HAPLN1: variants seen among roughly 807,000 people sequenced by gnomAD.
HAPLN1 encodes the protein Cartilage link protein.
In HAPLN1, 13 loss-of-function variants were observed where a neutral mutation model predicts 36.5. The observed-to-expected ratio is 0.36, with a 90% CI of 0.23 to 0.57. The LOEUF (loss-of-function observed/expected upper bound fraction) is 0.57, where lower values mean the gene tolerates loss of function less well. HAPLN1 is among the 20% of genes least tolerant of loss of function. HAPLN1 has a pLI of 0.83. For missense variants in HAPLN1, 407 were observed against 439.7 expected (o/e 0.93, Z 0.66); for synonymous variants, 202 against 169.8 (o/e 1.19, Z -1.48).
In HAPLN1 at chr5:83,648,415, AT is replaced by A. The variant is rs1749943627; in HGVS notation, c.473-3751del. 2.2e-5 allele frequency among the ~76,000 whole-genome samples: 3 copies of A among 134,110 alleles called. No individual in the cohort carries two copies. In the Admixed American group the frequency reaches 2.2e-4, roughly 10 times the overall value. The allele number at this position is 134,110 out of a possible 152,430, so 88.0% of individuals were successfully genotyped here. ...TTTGACTATATATATATATATATAT[AT>A]ATATATATATATATATATATATGGT... On this transcript the variant is annotated intron_variant, in intron 3 of 4. Transcript: ENST00000274341.
intron 1 of HAPLN1, among the ~76,000 whole-genome samples, chr5:83,680,757 A>G (rs755520616): frequency 7.2e-5 from 11 of 152,198 alleles, no homozygotes; most frequent in Non-Finnish European, 1.5e-4. Context: ...CAATATGAAT[A>G]TTATGTTGTG....
chr5:83,698,529 T>A (rs1243419484), intron 1 of HAPLN1, among the ~76,000 whole-genome samples: 1 of 152,182 alleles, frequency 6.6e-6, no homozygotes, highest in African/African-American at 2.4e-5. Context: ...TATCAGTGTT[T>A]TCTTTAATGA....
At chr5:83,695,989 A>G (rs1442660206) in intron 1 of HAPLN1, among the ~76,000 whole-genome samples, 2 of 152,082 alleles carry the variant, frequency 1.3e-5, no homozygotes, top group Non-Finnish European at 1.5e-5. Flanking sequence ...AAAACTTTTT[A>G]TTTACAGATA....
In HAPLN1 at chr5:83,690,742, G is replaced by T. The variant is rs1751249649; in HGVS notation, c.-26-17193C>A. Reference sequence around the variant, plus strand: ...AAATATCTGACATAATTTCAATATTGTTAAAGACATTGAAAACTATTTATA... The same window carrying T: ...AAATATCTGACATAATTTCAATATTTTTAAAGACATTGAAAACTATTTATA... On this transcript the variant is annotated intron_variant, in intron 1 of 4. Coordinates refer to ENST00000274341, the MANE Select transcript of HAPLN1 (RefSeq NM_001884.4). Among the ~76,000 whole-genome samples, 5 of 151,814 alleles carry T rather than the reference G, an allele frequency of 3.3e-5. No individual in the cohort carries two copies. In the South Asian group the frequency reaches 1.0e-3, roughly 32 times the overall value.
intron 1 of HAPLN1, among the ~76,000 whole-genome samples, chr5:83,712,233 G>A (rs2112639499): frequency 6.6e-6 from 1 of 152,186 alleles, no homozygotes; most frequent in Admixed American, 6.5e-5. Context: ...CAAGGGTCAA[G>A]ATCCTTTCAG....
chr5:83,644,584 T>A lies in HAPLN1; in HGVS notation c.554A>T (p.Asp185Val), dbSNP rs1749799634. The change falls in exon 4 of 5, where the codon GAT (aspartate) becomes GTT (valine). Residue 185 changes from aspartate to valine, a missense_variant. Asp to Val is a radical substitution (Grantham distance 152, BLOSUM62 -3). Coordinates refer to ENST00000274341, the MANE Select transcript of HAPLN1 (RefSeq NM_001884.4). ...HEAQQACLDQ[D>V]AVIASFDQLY... ...CTGGTCGAAGGAGGCGATCACAGCATCCTGGTCCAGACACGCCTGCTGCGC... is the reference window on the plus strand; with the variant it reads ...CTGGTCGAAGGAGGCGATCACAGCAACCTGGTCCAGACACGCCTGCTGCGC... 1 of 1,585,048 alleles carries A rather than the reference T, an allele frequency of 6.3e-7. No homozygotes were observed. The highest frequency in any genetic ancestry group is 8.6e-7 in the Non-Finnish European group (1 of 1,165,978).
At chr5:83,715,372 G>A (rs1315576498) in intron 1 of HAPLN1, among the ~76,000 whole-genome samples, 1 of 152,146 alleles carries the variant, frequency 6.6e-6, no homozygotes, top group East Asian at 1.9e-4. Context: ...AGGAGTCTCG[G>A]TTTATGAGAT....
chr5:83,668,761 G>A (rs1158658932), intron 2 of HAPLN1, among the ~76,000 whole-genome samples: 2 of 152,172 alleles, frequency 1.3e-5, no homozygotes, highest in East Asian at 3.9e-4. Context: ...TATAGTTGGA[G>A]TTAGTTACAA....
chr5:83,691,670 T>G (rs973624388), intron 1 of HAPLN1, among the ~76,000 whole-genome samples: 11 of 151,902 alleles, frequency 7.2e-5, no homozygotes, highest in African/African-American at 2.7e-4. Context: ...CCAGCCTTAA[T>G]TAAACAAGGT....
rs68174896 is a variant in HAPLN1 at position 83,678,220 on chromosome 5, G to T, written c.-26-4671C>A. ...CATTTTCCTTTTTATCTATAGTTTG[G>T]GTGTGTGTGTGTGTGTGTGTGTGTG... is the stretch of plus-strand genomic sequence containing the variant. On this transcript the variant is annotated intron_variant, in intron 1 of 4. Coordinates refer to ENST00000274341, the MANE Select transcript of HAPLN1 (RefSeq NM_001884.4). Among the ~76,000 whole-genome samples, 1,248 of 142,602 alleles carry T rather than the reference G, an allele frequency of 8.8e-3. 9 individuals carry two copies. The highest frequency in any genetic ancestry group is 0.018 in the Middle Eastern group (5 of 278). The allele number at this position is 142,602 out of a possible 152,430, so 93.6% of individuals were successfully genotyped here.
At chr5:83,664,803 T>C (rs1750510284) in intron 2 of HAPLN1, among the ~76,000 whole-genome samples, 1 of 152,234 alleles carries the variant, frequency 6.6e-6, no homozygotes, top group African/African-American at 2.4e-5. Flanking sequence ...AGCTTTATTT[T>C]AGAACACACT....
At chr5:83,682,656 A>G (rs1040458642) in intron 1 of HAPLN1, 2 of 152,170 alleles carry the variant, frequency 1.3e-5, no homozygotes, top group African/African-American at 4.8e-5. Context: ...GTTCATTGGT[A>G]TATAAGTAAC....
rs1363494569 is a variant in HAPLN1, at chr5:83,641,731, T to A, written c.830A>T (p.Gln277Leu). Residue 277 changes from glutamine (Q) to leucine (L), a missense_variant, in exon 5 of 5, where the codon CAA becomes CTA. By Grantham distance (113) the Gln-to-Leu change is moderately radical. Transcript: ENST00000274341. ...CTGAGCACCATCATTGAGACAAGCT[T>A]GCACCGCTTCATCATAGGTCAGTTT... ...PTKLTYDEAV[Q>L]ACLNDGAQIA... 1.9e-6 allele frequency: 3 copies of A among 1,614,028 alleles called. No homozygotes were observed. In the African/African-American group the frequency reaches 4.0e-5, roughly 22 times the overall value.
chr5:83,659,771 A>T (rs1442311925), intron 2 of HAPLN1, among the ~76,000 whole-genome samples: 1 of 152,134 alleles, frequency 6.6e-6, no homozygotes, highest in African/African-American at 2.4e-5. Flanking sequence ...ACATGTATTT[A>T]AAACACGAAA....
chr5:83,681,136 A>G lies in HAPLN1; in HGVS notation c.-26-7587T>C, dbSNP rs1750989151. ...TTAAATAATATAAAATTAGACCTTT[A>G]AAATATTTTCTTAATGTATAAAATC... On this transcript the variant is annotated intron_variant, in intron 1 of 4. Transcript: ENST00000274341. 2.6e-5 allele frequency among the ~76,000 whole-genome samples: 4 copies of G among 152,306 alleles called. No homozygotes were observed. In the South Asian group the frequency reaches 8.3e-4, roughly 32 times the overall value.
At chr5:83,697,079 A>G (rs1484095537) in intron 1 of HAPLN1, among the ~76,000 whole-genome samples, 1 of 151,974 alleles carries the variant, frequency 6.6e-6, no homozygotes, top group Non-Finnish European at 1.5e-5. Flanking sequence ...CCTGGCAAAC[A>G]CTAATCTACT....
At chr5:83,697,409 T>C (rs1751413723) in intron 1 of HAPLN1, among the ~76,000 whole-genome samples, 2 of 152,188 alleles carry the variant, frequency 1.3e-5, no homozygotes, top group African/African-American at 4.8e-5. Context: ...ATTCCACCTA[T>C]ATAGATACCA....
At chr5:83,655,857 A>G (rs1192865682) in intron 2 of HAPLN1, among the ~76,000 whole-genome samples, 8 of 152,122 alleles carry the variant, frequency 5.3e-5, no homozygotes, top group African/African-American at 1.4e-4. Flanking sequence ...TTGTCGTCAC[A>G]GAGACCAGCC....
At position 83,673,741 on chromosome 5, in the gene HAPLN1, A is replaced by G. The variant is rs1004711436; in HGVS notation, c.-26-192T>C. On this transcript the variant is annotated intron_variant, in intron 1 of 4. Coordinates refer to ENST00000274341, the MANE Select transcript of HAPLN1 (RefSeq NM_001884.4). Reference sequence around the variant, plus strand: ...GCTTTGAACAATTCCTGCTACCATCATGTAGCCAGAGTCCAAATAGTGTTT... The same window carrying G: ...GCTTTGAACAATTCCTGCTACCATCGTGTAGCCAGAGTCCAAATAGTGTTT... 4 of 499,748 alleles carry G rather than the reference A, an allele frequency of 8.0e-6. No homozygotes were observed. In the African/African-American group the frequency reaches 8.1e-5, roughly 10 times the overall value. The allele number at this position is 499,748 out of a possible 1,614,324, so 31.0% of individuals were successfully genotyped here. A position where few individuals can be genotyped will look rare whatever the true frequency, so the allele number is the denominator to read the frequency against.
Sources: gnomAD v4.1 joint callset for allele counts (sites outside exome capture counted in the v4.1 genomes callset) on GRCh38, gnomAD v4.1.1 for gene constraint, MANE v1.5 for transcripts, NCBI Gene and HGNC (gene_info 2026-07-23, HGNC 2026-07-21) for gene names.